COX18: variants seen among roughly 807,000 people sequenced by gnomAD.
The protein encoded by COX18 is cytochrome c oxidase assembly protein COX18, mitochondrial.
A neutral mutation model predicts 38.0 loss-of-function variants in COX18; 45 were observed. That is an observed-to-expected ratio of 1.18 (90% CI 0.93 to 1.52). COX18 has a LOEUF of 1.52. COX18 is among the 40% of genes most tolerant of loss of function. The pLI, the probability that COX18 is intolerant of heterozygous loss-of-function variation, is 0.00. For missense variants in COX18, 462 were observed against 423.8 expected (o/e 1.09, Z -0.79); for synonymous variants, 177 against 169.8 (o/e 1.04, Z -0.33).
intron 5 of COX18, 28 bp downstream of exon 5, chr4:73,061,785 G>C: frequency 7.8e-7 from 1 of 1,288,364 alleles, no homozygotes; most frequent in Non-Finnish European, 1.1e-6. Context: ...TTTAGCACAT[G>C]CTACACACAA....
chr4:73,061,805 T>A lies in COX18; in HGVS notation c.831+8A>T, dbSNP rs773379706. 1 of 1,547,392 alleles carries A rather than the reference T, an allele frequency of 6.5e-7. No homozygotes were observed. The highest frequency in any genetic ancestry group is 1.1e-5 in the South Asian group (1 of 89,528). On this transcript the variant is annotated splice_region_variant and intron_variant, in intron 5 of 5. Transcript: ENST00000507544. ...CACATGCTACACACAATATTGGTGC[T>A]TACTCACTGAGGGTACCGTTGCAGC...
chr4:73,058,583 A>AT (rs1320615442), intron 5 of COX18, among the ~76,000 whole-genome samples: 1 of 152,206 alleles, frequency 6.6e-6, no homozygotes, highest in Non-Finnish European at 1.5e-5. Context: ...ACAATGGAAC[A>AT]TAACTTTTTC....
intron 2 of COX18, among the ~76,000 whole-genome samples, 165 bp downstream of exon 2, chr4:73,067,864 A>AAAAAAAT: frequency 2.9e-3 from 59 of 20,008 alleles, no homozygotes; most frequent in Non-Finnish European, 4.0e-3. Context: ...AAAAAAAAAA[A>AAAAAAAT]ATATATATAT....
In COX18 at chr4:73,053,754, G is replaced by A. The variant is rs558557375; in HGVS notation, c.*4360C>T. On this transcript the variant is annotated 3_prime_UTR_variant, in exon 6 of 6. Transcript: ENST00000507544. ...CACCTTCTCCTGGGTTATCTGTCAG[G>A]GTGGCAATTAAGAATTTTGGTTTTC... 6.6e-6 allele frequency: 1 copy of A among 152,106 alleles called. No individual in the cohort carries two copies. The highest frequency in any genetic ancestry group is 2.4e-5 in the African/African-American group (1 of 41,422). The allele number at this position is 152,106 out of a possible 1,614,324, so 9.4% of individuals were successfully genotyped here. A position where few individuals can be genotyped will look rare whatever the true frequency, so the allele number is the denominator to read the frequency against.
In COX18 at chr4:73,054,724, T is replaced by G. The variant is rs1719826910; in HGVS notation, c.*3390A>C. 1.3e-5 allele frequency: 2 copies of G among 152,188 alleles called. No homozygotes were observed. Among genetic ancestry groups the G allele is most frequent in the African/African-American group, 4.8e-5 (2 of 41,450 alleles). 9.4% of individuals were successfully genotyped at this position (152,188 alleles called of 1,614,324 possible). On this transcript the variant is annotated 3_prime_UTR_variant, in exon 6 of 6. Coordinates refer to ENST00000507544, the MANE Select transcript of COX18 (RefSeq NM_001297732.2). ...ATTATGCACATGAAAGAAGATTCAT[T>G]TATTTGAAAAGGAAGTATCTGGAGA...
chr4:73,065,219 A>ACTT (rs760302211), intron 3 of COX18, 31 bp downstream of exon 3: 4 of 1,536,058 alleles, frequency 2.6e-6, no homozygotes, highest in Non-Finnish European at 3.5e-6. Context: ...ATGTTAGAGA[A>ACTT]CTTCTTTGGG....
At position 73,069,692 on chromosome 4, in the gene COX18, A is replaced by G. The variant is rs776019248; in HGVS notation, c.-43T>C. The G allele has an allele frequency of 3.3e-6, 5 of 1,523,998 alleles. No individual in the cohort carries two copies. In the East Asian group the frequency reaches 1.2e-4, roughly 37 times the overall value. 94.4% of individuals were successfully genotyped at this position (1,523,998 alleles called of 1,614,324 possible). A position where few individuals can be genotyped will look rare whatever the true frequency, so the allele number is the denominator to read the frequency against. On this transcript the variant is annotated 5_prime_UTR_variant, in exon 1 of 6. Transcript: ENST00000507544. ...GCCCAGATCCCGGGCCTCACAATCC[A>G]GCGGACATACACCGGCCAGCCAAGG...
rs1370886865 is a variant in COX18 at position 73,068,113 on chromosome 4, G to T, written c.350C>A (p.Pro117Gln). 1 of 1,607,458 alleles carries T rather than the reference G, an allele frequency of 6.2e-7. No homozygotes were observed. The highest frequency in any genetic ancestry group is 2.2e-5 in the East Asian group (1 of 44,720). The change falls in exon 2 of 6, where the codon CCA becomes CAA. Residue 117 changes from proline to glutamine, a missense_variant. By Grantham distance (76) the Pro-to-Gln change is moderately conservative. Transcript: ENST00000507544. ...YILAKVENLQ[P>Q]EIKTIARHLN... The stretch of plus-strand genomic sequence containing the variant: ...ATGCCTGGCAATAGTTTTTATTTCT[G>T]GCTGCAAATTTTCCACCTAGCTAAA...
At chr4:73,067,110 G>A (rs1386473023) in intron 2 of COX18, among the ~76,000 whole-genome samples, 1 of 152,138 alleles carries the variant, frequency 6.6e-6, no homozygotes, top group African/African-American at 2.4e-5. Flanking sequence ...CTTAGATTGG[G>A]ACTTTCCAAG....
At chr4:73,064,739 C>A in intron 4 of COX18, 39 bp downstream of exon 4, 2 of 1,601,242 alleles carry the variant, frequency 1.2e-6, no homozygotes, top group East Asian at 4.5e-5. Flanking sequence ...AACAAAAATC[C>A]CCATAAATGG....
At chr4:73,066,841 A>C (rs1488905330) in intron 2 of COX18, among the ~76,000 whole-genome samples, 1 of 152,268 alleles carries the variant, frequency 6.6e-6, no homozygotes, top group African/African-American at 2.4e-5. Flanking sequence ...GATCTTTTTA[A>C]CACTAAATAT....
chr4:73,062,010 GCCTCC>G, intron 4 of COX18, 90 bp from the exon 5 acceptor site: 1 of 489,292 alleles, frequency 2.0e-6, no homozygotes, highest in South Asian at 3.1e-5. Flanking sequence ...TTTTTCACTG[GCCTCC>G]ATCTACACTT....
At chr4:73,064,619 A>G (rs780393934) in intron 4 of COX18, among the ~76,000 whole-genome samples, 159 bp downstream of exon 4, 3 of 152,274 alleles carry the variant, frequency 2.0e-5, no homozygotes, top group Non-Finnish European at 4.4e-5. Context: ...GTTAAGGGAC[A>G]GGCCTAAGCC....
intron 3 of COX18, 69 bp downstream of exon 3, chr4:73,065,172 CTTTTTTTTT>C (rs71215480): frequency 2.9e-6 from 2 of 689,992 alleles, no homozygotes; most frequent in Admixed American, 3.4e-5. Flanking sequence ...GAAAAGTATG[CTTTTTTTTT>C]TTTTTTTTTT....
intron 2 of COX18, 77 bp downstream of exon 2, chr4:73,067,952 G>T: frequency 1.5e-6 from 1 of 651,876 alleles, no homozygotes; most frequent in Non-Finnish European, 2.3e-6. Context: ...CACAATTTAT[G>T]TATGTGTGTG....
chr4:73,058,281 C>T lies in COX18; in HGVS notation c.838G>A (p.Val280Ile), dbSNP rs1289776759. The T allele has an allele frequency of 3.1e-6, 5 of 1,605,158 alleles. No individual in the cohort carries two copies. The Admixed American group carries it at 5.2e-5, about 17-fold the overall frequency. The change falls in exon 6 of 6, where the codon GTT (valine) becomes ATT (isoleucine). Residue 280 changes from valine to isoleucine, a missense_variant. By Grantham distance (29) the Val-to-Ile change is conservative. Coordinates refer to ENST00000507544, the MANE Select transcript of COX18 (RefSeq NM_001297732.2). ...PIAATVPSSIVLYWLCSSFVG... is the reference protein window; with the variant it reads ...PIAATVPSSIILYWLCSSFVG... The stretch of plus-strand genomic sequence containing the variant: ...AAGCTGGAGCATAACCAGTAGAGAA[C>T]AATTGACTATAAAGAGAAGACATAA...
Position 73,057,705 on chromosome 4 carries a change from T to C in COX18, c.*409A>G, listed in dbSNP as rs189860344. 1 of 153,010 alleles carries C rather than the reference T, an allele frequency of 6.5e-6. No homozygotes were observed. Among genetic ancestry groups the C allele is most frequent in the Non-Finnish European group, 1.5e-5 (1 of 68,504 alleles). The allele number at this position is 153,010 out of a possible 1,614,324, so 9.5% of individuals were successfully genotyped here. On this transcript the variant is annotated 3_prime_UTR_variant, in exon 6 of 6. Transcript: ENST00000507544. ...TTTTTCTTTGATAGCGTTTCACTCTTGTTGTCCAGGCTGGAGTGCAATGGG... is the reference window on the plus strand; with the variant it reads ...TTTTTCTTTGATAGCGTTTCACTCTCGTTGTCCAGGCTGGAGTGCAATGGG...
Position 73,058,090 on chromosome 4 carries a change from G to A in COX18, c.*24C>T, listed in dbSNP as rs764245006. ...TTAGATGATAGTGACTCCTGCAACTGTTTCAAAATTATTGGAAAATATGTC... is the reference window on the plus strand; with the variant it reads ...TTAGATGATAGTGACTCCTGCAACTATTTCAAAATTATTGGAAAATATGTC... On this transcript the variant is annotated 3_prime_UTR_variant, in exon 6 of 6. Coordinates refer to ENST00000507544, the MANE Select transcript of COX18 (RefSeq NM_001297732.2). 4.6e-6 allele frequency: 7 copies of A among 1,507,520 alleles called. No homozygotes were observed. In the South Asian group the frequency reaches 8.4e-5, roughly 18 times the overall value. 93.4% of individuals were successfully genotyped at this position (1,507,520 alleles called of 1,614,324 possible).
Position 73,069,660 on chromosome 4 carries a change from C to A in COX18, c.-11G>T. 9.1e-6 allele frequency: 14 copies of A among 1,543,206 alleles called. No homozygotes were observed. Among genetic ancestry groups the A allele is most frequent in the Non-Finnish European group, 1.2e-5 (14 of 1,149,856 alleles). ...GAGCCGGCACAGCATTTCTGCACCA[C>A]GGCGGAGCCCAGATCCCGGGCCTCA... is the stretch of plus-strand genomic sequence containing the variant. On this transcript the variant is annotated 5_prime_UTR_variant, in exon 1 of 6. Transcript: ENST00000507544.
Sources: gnomAD v4.1 joint callset for allele counts (sites outside exome capture counted in the v4.1 genomes callset) on GRCh38, gnomAD v4.1.1 for gene constraint, MANE v1.5 for transcripts, NCBI Gene and HGNC (gene_info 2026-07-23, HGNC 2026-07-21) for gene names.